GRIN2B: variants seen among roughly 807,000 people sequenced by gnomAD.
The protein encoded by GRIN2B is glutamate ionotropic receptor NMDA type subunit 2B.
Under a neutral mutation model 114.5 loss-of-function variants are expected in GRIN2B, and 5 were observed. The observed-to-expected ratio is 0.04, with a 90% CI of 0.02 to 0.09. The LOEUF (loss-of-function observed/expected upper bound fraction) is 0.09, where lower values mean the gene tolerates loss of function less well. GRIN2B is among the 10% of genes least tolerant of loss of function. The pLI, the probability that GRIN2B is intolerant of heterozygous loss-of-function variation, is 1.00. For synonymous variants in GRIN2B, 787 were observed against 745.1 expected (o/e 1.06, Z -0.92); for missense variants, 1,108 against 1,943.5 (o/e 0.57, Z 8.08).
chr12:13,693,723 T>A (rs531864990), intron 4 of GRIN2B, among the ~76,000 whole-genome samples: 1 of 152,146 alleles, frequency 6.6e-6, no homozygotes, highest in Non-Finnish European at 1.5e-5. Flanking sequence ...ATGGAAACCA[T>A]CAGAGGAAGC....
At chr12:13,780,597 T>C (rs1054413483) in intron 3 of GRIN2B, among the ~76,000 whole-genome samples, 2 of 152,142 alleles carry the variant, frequency 1.3e-5, no homozygotes, top group African/African-American at 2.4e-5. Context: ...TGGAGGTAGA[T>C]AGTGGGAAGG....
chr12:13,956,180 T>G (rs914463331), intron 2 of GRIN2B, among the ~76,000 whole-genome samples: 5 of 152,108 alleles, frequency 3.3e-5, no homozygotes. Flanking sequence ...GCACTAAGTG[T>G]GTCAAGTGTG....
At chr12:13,680,732 G>A (rs1248181465) in intron 4 of GRIN2B, among the ~76,000 whole-genome samples, 1 of 152,048 alleles carries the variant, frequency 6.6e-6, no homozygotes, top group Non-Finnish European at 1.5e-5. Flanking sequence ...TCAGCTCAGG[G>A]TCCTTCCATG....
intron 5 of GRIN2B, among the ~76,000 whole-genome samples, chr12:13,670,661 T>A (rs1950014860): frequency 6.6e-6 from 1 of 152,142 alleles, no homozygotes; most frequent in African/African-American, 2.4e-5. Context: ...TGTCCCCCAC[T>A]TAGGAGCCTT....
At chr12:13,908,799 T>C (rs1555155847) in intron 2 of GRIN2B, among the ~76,000 whole-genome samples, 1 of 152,204 alleles carries the variant, frequency 6.6e-6, no homozygotes, top group Non-Finnish European at 1.5e-5. Flanking sequence ...CTCCCCTTGC[T>C]TGAGACATCT....
intron 5 of GRIN2B, among the ~76,000 whole-genome samples, chr12:13,629,689 C>CCT (rs1006665861): frequency 1.3e-5 from 2 of 151,616 alleles, no homozygotes; most frequent in South Asian, 2.1e-4. Flanking sequence ...TCTCTCTTTT[C>CCT]CTCTCTCTCT....
At chr12:13,912,862 T>G (rs184052492) in intron 2 of GRIN2B, among the ~76,000 whole-genome samples, 2 of 152,224 alleles carry the variant, frequency 1.3e-5, no homozygotes, top group East Asian at 3.9e-4. Flanking sequence ...GGGGTCAGGA[T>G]GCACATAAAA....
At chr12:13,579,785 C>T (rs189599453) in intron 10 of GRIN2B, among the ~76,000 whole-genome samples, 237 of 152,036 alleles carry the variant, frequency 1.6e-3, no homozygotes, top group African/African-American at 5.4e-3. Flanking sequence ...AAGGAACAGA[C>T]GCATTGTCAG....
intron 4 of GRIN2B, among the ~76,000 whole-genome samples, chr12:13,705,485 T>C (rs1483467843): frequency 1.3e-5 from 2 of 152,150 alleles, no homozygotes; most frequent in East Asian, 1.9e-4. Context: ...CACACAAATA[T>C]ACGTTCATAA....
chr12:13,977,087 G>A (rs1017854385), intron 2 of GRIN2B, among the ~76,000 whole-genome samples: 1 of 152,174 alleles, frequency 6.6e-6, no homozygotes, highest in Non-Finnish European at 1.5e-5. Flanking sequence ...AGAGGAAGTC[G>A]CTCTTCTCAA....
intron 3 of GRIN2B, among the ~76,000 whole-genome samples, chr12:13,797,498 C>T (rs188205142): frequency 1.3e-4 from 20 of 152,190 alleles, no homozygotes; most frequent in African/African-American, 4.6e-4. Flanking sequence ...TCACATCAGA[C>T]CTGCTTATAG....
At chr12:13,754,667 CA>C (rs1863547024) in intron 3 of GRIN2B, among the ~76,000 whole-genome samples, 1 of 152,186 alleles carries the variant, frequency 6.6e-6, no homozygotes. Context: ...GAATAAGGCT[CA>C]AACAGTATGT....
chr12:13,868,940 A>T (rs1865866052), intron 2 of GRIN2B, among the ~76,000 whole-genome samples: 2 of 152,198 alleles, frequency 1.3e-5, no homozygotes, highest in Admixed American at 1.3e-4. Context: ...CATTGAGGGA[A>T]AGCATGTAGT....
chr12:13,619,908 T>C (rs542735044), intron 5 of GRIN2B, among the ~76,000 whole-genome samples: 2 of 152,274 alleles, frequency 1.3e-5, no homozygotes, highest in Admixed American at 1.3e-4. Context: ...AATGAAGGAG[T>C]AAGACATGTT....
chr12:13,753,225 C>G lies in GRIN2B; in HGVS notation c.1010+92G>C. 1 of 837,612 alleles carries G rather than the reference C, an allele frequency of 1.2e-6. No homozygotes were observed. The highest frequency in any genetic ancestry group is 2.4e-5 in the East Asian group (1 of 41,472). 51.9% of individuals were successfully genotyped at this position (837,612 alleles called of 1,614,324 possible). ...GGCTTCAACCTGCTACCGTCTTGAACTGTTCTTCCTGCAGTTTCTGAACTT... is the reference window on the plus strand; with the variant it reads ...GGCTTCAACCTGCTACCGTCTTGAAGTGTTCTTCCTGCAGTTTCTGAACTT... On this transcript the variant is annotated intron_variant, in intron 4 of 13. Coordinates refer to ENST00000609686, the MANE Select transcript of GRIN2B (RefSeq NM_000834.5). This position sits in a 1 kb window ranked among gnomAD's most constrained non-coding sequence, Gnocchi z 6.2.
chr12:13,969,111 T>C (rs994510664), intron 2 of GRIN2B, among the ~76,000 whole-genome samples: 1 of 152,260 alleles, frequency 6.6e-6, no homozygotes, highest in Non-Finnish European at 1.5e-5. Flanking sequence ...GCCAGTACCA[T>C]GAGTTTCTCA....
intron 2 of GRIN2B, among the ~76,000 whole-genome samples, chr12:13,935,628 A>G (rs941500901): frequency 1.3e-5 from 2 of 152,258 alleles, no homozygotes; most frequent in African/African-American, 4.8e-5. Context: ...GTGATAAAAA[A>G]TAGTACCTAT....
chr12:13,646,236 C>T (rs987832368), intron 5 of GRIN2B, among the ~76,000 whole-genome samples: 1 of 152,162 alleles, frequency 6.6e-6, no homozygotes, highest in Non-Finnish European at 1.5e-5. Flanking sequence ...AGCATCTGCA[C>T]TCTCCTTGCT....
chr12:13,594,525 G>A (rs202138862), intron 10 of GRIN2B, among the ~76,000 whole-genome samples: 2 of 152,018 alleles, frequency 1.3e-5, no homozygotes, highest in East Asian at 1.9e-4. Context: ...GGCCTGTAAG[G>A]GGGTGGGGGG....
Sources: gnomAD v4.1 joint callset for allele counts (sites outside exome capture counted in the v4.1 genomes callset) on GRCh38, gnomAD v4.1.1 for gene constraint, Gnocchi (gnomAD v3.1) non-coding constraint, MANE v1.5 for transcripts, NCBI Gene and HGNC (gene_info 2026-07-23, HGNC 2026-07-21) for gene names.